Variants in SGCZ observed in about 807,000 individuals in gnomAD.
SGCZ encodes zeta-sarcoglycan.
In SGCZ, 40 loss-of-function variants were observed where a neutral mutation model predicts 41.3. The ratio of observed to expected loss-of-function variants is 0.97; its 90% CI spans 0.75 to 1.26. SGCZ has a LOEUF of 1.26. SGCZ is among the 50% of genes most tolerant of loss of function. The probability of loss-of-function intolerance (pLI) is 0.00; values close to 1 mark genes in which losing one functional copy is unlikely to be tolerated. For synonymous variants in SGCZ, 206 were observed against 137.5 expected (o/e 1.50, Z -3.49); for missense variants, 552 against 369.8 (o/e 1.49, Z -4.04).
At chr8:14,590,938 A>G (rs1805221309) in intron 1 of SGCZ, among the ~76,000 whole-genome samples, 1 of 150,424 alleles carries the variant, frequency 6.6e-6, no homozygotes, top group Non-Finnish European at 1.5e-5. Flanking sequence ...TGTGCTATAT[A>G]ATGTATATAA....
intron 1 of SGCZ, among the ~76,000 whole-genome samples, chr8:14,806,632 A>T (rs1407056425): frequency 7.9e-5 from 12 of 152,032 alleles, no homozygotes; most frequent in Admixed American, 6.6e-5. Flanking sequence ...ATGGATTCAC[A>T]GCCGAATTCT....
At chr8:14,929,648 A>C (rs982642833) in intron 1 of SGCZ, among the ~76,000 whole-genome samples, 4 of 152,080 alleles carry the variant, frequency 2.6e-5, no homozygotes, top group Non-Finnish European at 5.9e-5. Flanking sequence ...CTATATCTGC[A>C]CTGTGGAACC....
intron 1 of SGCZ, among the ~76,000 whole-genome samples, chr8:14,604,531 C>G (rs10092408): frequency 0.96 from 145,470 of 152,174 alleles, 69,621 homozygotes; most frequent in South Asian, 0.99. Flanking sequence ...TAAACTCTAA[C>G]AATGTACACT....
intron 2 of SGCZ, among the ~76,000 whole-genome samples, chr8:14,345,254 A>T (rs1412027682): frequency 6.6e-6 from 1 of 152,144 alleles, no homozygotes; most frequent in African/African-American, 2.4e-5. Flanking sequence ...AGAGTCAGAA[A>T]TCTTAAAAAG....
chr8:15,164,589 T>A (rs1456199055), intron 1 of SGCZ, among the ~76,000 whole-genome samples: 1 of 147,648 alleles, frequency 6.8e-6, no homozygotes, highest in Non-Finnish European at 1.5e-5. Context: ...TTTTTAAACT[T>A]TTTTTTTTTT....
At chr8:14,444,390 T>C (rs192197581) in intron 2 of SGCZ, among the ~76,000 whole-genome samples, 248 of 152,164 alleles carry the variant, frequency 1.6e-3, no homozygotes, top group Middle Eastern at 6.8e-3. Flanking sequence ...CTATTCACCA[T>C]AGCAAAGACT....
intron 1 of SGCZ, among the ~76,000 whole-genome samples, chr8:15,124,372 C>T (rs1248629352): frequency 6.6e-6 from 1 of 152,094 alleles, no homozygotes; most frequent in Non-Finnish European, 1.5e-5. Flanking sequence ...GGAATTGAGG[C>T]CACAAGCCTT....
intron 1 of SGCZ, among the ~76,000 whole-genome samples, chr8:14,598,077 T>A (rs922998691): frequency 6.6e-6 from 1 of 152,222 alleles, no homozygotes; most frequent in African/African-American, 2.4e-5. Flanking sequence ...TTTTTCTATA[T>A]ATGACTACAT....
At chr8:14,658,685 T>C (rs1807653036) in intron 1 of SGCZ, among the ~76,000 whole-genome samples, 1 of 152,196 alleles carries the variant, frequency 6.6e-6, no homozygotes, top group Non-Finnish European at 1.5e-5. Context: ...TCTTTACTTT[T>C]CTTCTCAGCA....
rs568460150 is a variant in SGCZ, at chr8:14,904,977, A to G, written c.39+332608T>C. 1.2e-3 allele frequency among the ~76,000 whole-genome samples: 177 copies of G among 152,064 alleles called. 1 individual carries two copies. Among genetic ancestry groups the G allele is most frequent in the African/African-American group, 4.2e-3 (173 of 41,540 alleles). ...ATAATGTATCTTTGTTATTATGAAA[A>G]CTTAAGTCTTGCCTAACACAAAAAT... On this transcript the variant is annotated intron_variant, in intron 1 of 7. Transcript: ENST00000382080.
chr8:14,096,912 C>G lies in SGCZ; in HGVS notation c.744+5464G>C, dbSNP rs573749178. ...TGTTTAGAGGTGTTTATATTATTCT[C>G]TAGTAGTTTGTATTACTGTGGGATC... On this transcript the variant is annotated intron_variant, in intron 7 of 7. Transcript: ENST00000382080. 1.6e-4 allele frequency among the ~76,000 whole-genome samples: 24 copies of G among 151,932 alleles called. No individual in the cohort carries two copies. The South Asian group carries it at 3.5e-3, about 22-fold the overall frequency.
chr8:14,650,770 C>T lies in SGCZ; in HGVS notation c.40-95844G>A, dbSNP rs150729693. On this transcript the variant is annotated intron_variant, in intron 1 of 7. Coordinates refer to ENST00000382080, the MANE Select transcript of SGCZ (RefSeq NM_139167.4). Reference sequence around the variant, plus strand: ...GCAAAGAAAGCTGTTTGTGGTTTGACCCCTACCTACTCCGGCTCGTTCATT... The same window carrying T: ...GCAAAGAAAGCTGTTTGTGGTTTGATCCCTACCTACTCCGGCTCGTTCATT... Among the ~76,000 whole-genome samples, 1,390 of 152,076 alleles carry T rather than the reference C, an allele frequency of 9.1e-3. 37 individuals carry two copies. Among genetic ancestry groups the T allele is most frequent in the African/African-American group, 0.032 (1,344 of 41,448 alleles).
At chr8:15,222,810 T>G (rs1415183430) in intron 1 of SGCZ, among the ~76,000 whole-genome samples, 1 of 152,028 alleles carries the variant, frequency 6.6e-6, no homozygotes, top group Non-Finnish European at 1.5e-5. Context: ...GGTGTGTGTG[T>G]GTGTGACTAA....
chr8:14,685,933 G>C (rs1214720974), intron 1 of SGCZ, among the ~76,000 whole-genome samples: 1 of 152,028 alleles, frequency 6.6e-6, no homozygotes, highest in Non-Finnish European at 1.5e-5. Flanking sequence ...AGCAAGACTT[G>C]GGTTTAGCTG....
intron 4 of SGCZ, among the ~76,000 whole-genome samples, chr8:14,203,605 A>G (rs575834845): frequency 1.3e-5 from 2 of 152,292 alleles, no homozygotes; most frequent in African/African-American, 4.8e-5. Flanking sequence ...AGGCTGAGTC[A>G]TTACAATGGA....
At chr8:14,345,927 G>A (rs902542451) in intron 2 of SGCZ, among the ~76,000 whole-genome samples, 1 of 152,050 alleles carries the variant, frequency 6.6e-6, no homozygotes, top group Non-Finnish European at 1.5e-5. Context: ...ATTCAGGGTA[G>A]GGAGGAAGGG....
At chr8:14,715,586 C>G (rs1394016267) in intron 1 of SGCZ, among the ~76,000 whole-genome samples, 1 of 151,152 alleles carries the variant, frequency 6.6e-6, no homozygotes, top group Non-Finnish European at 1.5e-5. Flanking sequence ...AAACAGGATT[C>G]TGTAGAAGAC....
At chr8:14,428,286 T>C (rs1249630259) in intron 2 of SGCZ, among the ~76,000 whole-genome samples, 2 of 151,600 alleles carry the variant, frequency 1.3e-5, no homozygotes, top group African/African-American at 4.8e-5. Context: ...AACGTTCATA[T>C]ACATTTATCT....
intron 1 of SGCZ, among the ~76,000 whole-genome samples, chr8:14,598,967 A>C (rs544434062): frequency 7.2e-5 from 11 of 152,238 alleles, no homozygotes; most frequent in African/African-American, 2.6e-4. Context: ...TCAGATGCTC[A>C]ATTAATTTTT....
Sources: allele counts gnomAD v4.1 joint callset (sites outside exome capture counted in the v4.1 genomes callset), GRCh38; gene constraint gnomAD v4.1.1; transcripts MANE v1.5; gene names NCBI Gene and HGNC (gene_info 2026-07-23, HGNC 2026-07-21).